Variants in RASGRF1 observed in about 807,000 individuals in gnomAD.
The protein encoded by RASGRF1 is Ras protein specific guanine nucleotide releasing factor 1, also known as ras-specific guanine nucleotide-releasing factor 1.
A neutral mutation model predicts 138.7 loss-of-function variants in RASGRF1; 40 were observed. The ratio of observed to expected loss-of-function variants is 0.29; its 90% CI spans 0.22 to 0.38. RASGRF1 has a LOEUF of 0.38. Among genes scored for constraint, RASGRF1 ranks in the 10% least tolerant of loss-of-function variants. The pLI, the probability that RASGRF1 is intolerant of heterozygous loss-of-function variation, is 1.00. For missense variants in RASGRF1, 1,108 were observed against 1,650.4 expected (o/e 0.67, Z 5.69); for synonymous variants, 614 against 663.2 (o/e 0.93, Z 1.14).
At chr15:79,004,232 G>C (rs756797438) in intron 14 of RASGRF1, 57 bp from the exon 15 acceptor site, 68 of 1,501,034 alleles carry the variant, frequency 4.5e-5, no homozygotes, top group Non-Finnish European at 5.8e-5. Flanking sequence ...TGCCCGCCTA[G>C]GCCTGGGGGC....
chr15:79,044,965 C>T (rs762572230), intron 5 of RASGRF1, among the ~76,000 whole-genome samples: 39 of 151,876 alleles, frequency 2.6e-4, no homozygotes, highest in Middle Eastern at 3.2e-3. Context: ...AATAAAATTA[C>T]GAAAAGGTAA....
At chr15:78,969,269 C>T (rs755281374) in intron 26 of RASGRF1, among the ~76,000 whole-genome samples, 2 of 152,174 alleles carry the variant, frequency 1.3e-5, no homozygotes, top group African/African-American at 2.4e-5. Flanking sequence ...GCAGTTGTCT[C>T]GCAGAATGTC....
intron 24 of RASGRF1, among the ~76,000 whole-genome samples, chr15:78,975,919 G>A (rs753937056): frequency 3.9e-5 from 6 of 152,152 alleles, no homozygotes; most frequent in Non-Finnish European, 7.3e-5. Context: ...CTCTGGAGTC[G>A]TAAGGCTGTG....
chr15:79,081,588 C>A (rs2057914875), intron 1 of RASGRF1, among the ~76,000 whole-genome samples: 3 of 152,162 alleles, frequency 2.0e-5, no homozygotes, highest in Non-Finnish European at 2.9e-5. Context: ...CCCCTAATCA[C>A]CCCCCACACC....
intron 2 of RASGRF1, among the ~76,000 whole-genome samples, chr15:79,063,582 A>T (rs1486715513): frequency 3.3e-5 from 5 of 152,174 alleles, no homozygotes; most frequent in Non-Finnish European, 7.3e-5. Context: ...ACCCATATTT[A>T]CTGGGCACTC....
chr15:78,991,897 G>A (rs2056276239), intron 20 of RASGRF1, 103 bp from the exon 21 acceptor site: 1 of 851,874 alleles, frequency 1.2e-6, no homozygotes, highest in African/African-American at 1.6e-5. Context: ...CGAATTGGGT[G>A]GGCGGGTGGA....
rs1430619787 is a variant in RASGRF1, at chr15:79,078,279, A to G, written c.276+11944T>C. Among the ~76,000 whole-genome samples, 3 of 149,288 alleles carry G rather than the reference A, an allele frequency of 2.0e-5. No individual in the cohort carries two copies. In the East Asian group the frequency reaches 5.9e-4, roughly 29 times the overall value. On this transcript the variant is annotated intron_variant, in intron 1 of 26. Coordinates refer to ENST00000558480, the MANE Select transcript of RASGRF1 (RefSeq NM_001145648.3). ...CCCAGATCCTCCAGCTCCCTTTTCC[A>G]TCTCCTTCCCAGGGGAAGTCACTGT...
intron 8 of RASGRF1, among the ~76,000 whole-genome samples, chr15:79,030,987 T>C (rs1173579657): frequency 2.6e-5 from 4 of 152,212 alleles, no homozygotes; most frequent in Non-Finnish European, 4.4e-5. Context: ...CCACTGCCAC[T>C]ACCTGCCTCT....
At chr15:79,020,777 G>A (rs2056949937) in intron 10 of RASGRF1, among the ~76,000 whole-genome samples, 2 of 152,242 alleles carry the variant, frequency 1.3e-5, no homozygotes. Flanking sequence ...CACAGCTGTG[G>A]TGGTTGTAAG....
chr15:79,086,357 C>A (rs2057979819), intron 1 of RASGRF1, among the ~76,000 whole-genome samples: 1 of 152,180 alleles, frequency 6.6e-6, no homozygotes, highest in Non-Finnish European at 1.5e-5. Context: ...GTGAGAAAGC[C>A]AGAGAACGCA....
chr15:79,035,604 G>A (rs2057209715), intron 5 of RASGRF1, among the ~76,000 whole-genome samples: 1 of 152,210 alleles, frequency 6.6e-6, no homozygotes, highest in African/African-American at 2.4e-5. Context: ...AGGAAACCAG[G>A]GCTCTGGCAA....
At chr15:79,010,809 AAGG>A (rs1464470560) in intron 13 of RASGRF1, among the ~76,000 whole-genome samples, 4 of 152,114 alleles carry the variant, frequency 2.6e-5, no homozygotes, top group African/African-American at 7.2e-5. Context: ...TGGCAGGTGG[AAGG>A]AGACTTTTCA....
rs193264403 is a variant in RASGRF1 at position 78,976,261 on chromosome 15, A to C, written c.3495-2841T>G. ...AGTAGCACGCCCAGCCCCAGTACTA[A>C]CCTCTGTCCCTATTTACTACCTCTA... On this transcript the variant is annotated intron_variant, in intron 24 of 26. Transcript: ENST00000558480. 2.2e-3 allele frequency among the ~76,000 whole-genome samples: 333 copies of C among 152,032 alleles called. 2 individuals are homozygous for C. The highest frequency in any genetic ancestry group is 0.014 in the Middle Eastern group (4 of 294).
intron 20 of RASGRF1, 104 bp from the exon 21 acceptor site, chr15:78,991,898 G>C: frequency 1.2e-6 from 1 of 846,500 alleles, no homozygotes; most frequent in Non-Finnish European, 2.0e-6. Context: ...GAATTGGGTG[G>C]GCGGGTGGAC....
rs1373753781 is a variant in RASGRF1, at chr15:79,046,820, G to A, written c.804C>T (p.Arg268=). 2 of 1,614,238 alleles carry A rather than the reference G, an allele frequency of 1.2e-6. No individual in the cohort carries two copies. The highest frequency in any genetic ancestry group is 1.3e-5 in the African/African-American group (1 of 75,070). The stretch of plus-strand genomic sequence containing the variant: ...TGGAGCTGGCGGCCATCCGCAGCGG[G>A]CGCAGGAAATTGTTGACAAGGATGT... ...QLHILVNNFL[R]PLRMAASSKK... The change falls in exon 5 of 27, where the codon CGC becomes CGT. Residue 268 remains arginine (R), a synonymous_variant. Coordinates refer to ENST00000558480, the MANE Select transcript of RASGRF1 (RefSeq NM_001145648.3). The surrounding 1 kb of genome is among the most constrained non-coding windows in gnomAD (Gnocchi z 5.3).
At chr15:78,997,736 CA>C (rs33965910) in intron 19 of RASGRF1, among the ~76,000 whole-genome samples, 50 of 112,360 alleles carry the variant, frequency 4.4e-4, no homozygotes, top group African/African-American at 1.0e-3. Flanking sequence ...GACTTCGCCT[CA>C]AAAAAAAAAA....
chr15:79,025,297 T>C lies in RASGRF1; in HGVS notation c.1542+17A>G, dbSNP rs758761559. 12 of 1,578,836 alleles carry C rather than the reference T, an allele frequency of 7.6e-6. No individual in the cohort carries two copies. In the South Asian group the frequency reaches 1.4e-4, roughly 18 times the overall value. The stretch of plus-strand genomic sequence containing the variant: ...CCTAGCTGGGCAGCCCCCAAGCCCC[T>C]CTCCCGTAGCCCTTACCTTGGTCAA... On this transcript the variant is annotated intron_variant, in intron 10 of 26. Coordinates refer to ENST00000558480, the MANE Select transcript of RASGRF1 (RefSeq NM_001145648.3).
chr15:79,063,381 G>A (rs2057634477), intron 2 of RASGRF1, among the ~76,000 whole-genome samples: 1 of 152,180 alleles, frequency 6.6e-6, no homozygotes, highest in Non-Finnish European at 1.5e-5. Context: ...TAACTAGTCT[G>A]ACCCAAGGCT....
chr15:78,967,073 C>T (rs552038968), intron 26 of RASGRF1, among the ~76,000 whole-genome samples: 7 of 151,978 alleles, frequency 4.6e-5, no homozygotes, highest in Admixed American at 1.3e-4. Flanking sequence ...GAGGCCAAGA[C>T]GACAGGATCA....
Sources: gnomAD v4.1 joint callset for allele counts (sites outside exome capture counted in the v4.1 genomes callset) on GRCh38, gnomAD v4.1.1 for gene constraint, Gnocchi (gnomAD v3.1) non-coding constraint, MANE v1.5 for transcripts, NCBI Gene and HGNC (gene_info 2026-07-23, HGNC 2026-07-21) for gene names.